PKP2: variants seen among roughly 807,000 people sequenced by gnomAD.
PKP2 encodes the protein plakophilin 2, also known as plakophilin-2.
In PKP2, 73 loss-of-function variants were observed where a neutral mutation model predicts 83.4. The ratio of observed to expected loss-of-function variants is 0.88; its 90% confidence interval spans 0.72 to 1.06. The LOEUF is 1.06. Among genes scored for constraint, PKP2 ranks in the 50% least tolerant of loss-of-function variants. The probability of loss-of-function intolerance (pLI) is 0.00; values close to 1 mark genes in which losing one functional copy is unlikely to be tolerated. For synonymous variants in PKP2, 409 were observed against 430.4 expected (o/e 0.95, Z 0.62); for missense variants, 966 against 1,065.4 (o/e 0.91, Z 1.30).
At chr12:32,876,483 A>T (rs1230581635) in intron 3 of PKP2, among the ~76,000 whole-genome samples, 4 of 152,176 alleles carry the variant, frequency 2.6e-5, no homozygotes, top group African/African-American at 7.2e-5. Context: ...TTACCTGTTT[A>T]AAAGCCTTTA....
rs148781186 is a variant in PKP2, at chr12:32,809,625, C to T, written c.2014-7069G>A. The stretch of plus-strand genomic sequence containing the variant: ...GTCACCTTGCTGGAAATTCCGGGGC[C>T]GGAGTATGTAAAACTCTTGTCTCTG... On this transcript the variant is annotated intron_variant, in intron 9 of 12. Coordinates refer to ENST00000340811, the MANE Select transcript of PKP2 (RefSeq NM_001005242.3). Among the ~76,000 whole-genome samples the T allele has an allele frequency of 1.9e-3, 294 of 152,274 alleles. 1 individual carries two copies. The highest frequency in any genetic ancestry group is 6.5e-3 in the African/African-American group (269 of 41,568).
intron 8 of PKP2, 55 bp from the exon 9 acceptor site, chr12:32,821,584 T>C: frequency 1.9e-6 from 3 of 1,552,522 alleles, no homozygotes; most frequent in African/African-American, 2.7e-5. Flanking sequence ...ATGGCTATAA[T>C]TTCACACTCA....
At position 32,896,601 on chromosome 12, in the gene PKP2, C is replaced by T. The variant is rs751629644; in HGVS notation, c.131G>A (p.Ser44Asn). The part of the protein sequence containing the change: ...SEAKLKLAGS[S>N]GRGGQTVKSL... ...CTTGACTGTCTGGCCGCCGCGGCCG[C>T]TGCTCCCCGCCAGCTTCAGCTTGGC... Residue 44 changes from serine to asparagine, a missense_variant, in exon 1 of 13, where the codon AGC becomes AAC. Physicochemically the swap from Ser to Asn is conservative, Grantham distance 46 (BLOSUM62 1). Transcript: ENST00000340811. The T allele has an allele frequency of 6.9e-6, 11 of 1,585,330 alleles. No individual in the cohort carries two copies. The East Asian group carries it at 2.5e-4, about 36-fold the overall frequency.
rs759920696 is a variant in PKP2 at position 32,821,430 on chromosome 12, C to T, written c.1939G>A (p.Ala647Thr). The change falls in exon 9 of 13, where the codon GCC becomes ACC. Residue 647 changes from alanine to threonine, a missense_variant. By Grantham distance (58) the Ala-to-Thr change is moderately conservative. Transcript: ENST00000340811. ...IVIRMYLSLI[A>T]KSVRNYTQEA... is the part of the protein sequence containing the mutation. Reference sequence around the variant, plus strand: ...TGTGTGTAGTTGCGGACACTTTTGGCGATCAAGGACAGATACATCCTTATA... The same window carrying T: ...TGTGTGTAGTTGCGGACACTTTTGGTGATCAAGGACAGATACATCCTTATA... The T allele has an allele frequency of 2.1e-5, 34 of 1,613,924 alleles. No homozygotes were observed. The highest frequency in any genetic ancestry group is 2.4e-5 in the Non-Finnish European group (28 of 1,179,994).
intron 6 of PKP2, among the ~76,000 whole-genome samples, chr12:32,825,019 A>T (rs1308043802): frequency 6.6e-6 from 1 of 151,394 alleles, no homozygotes; most frequent in African/African-American, 2.4e-5. Flanking sequence ...TTAAAAAAAT[A>T]TTTTTTTTTC....
chr12:32,822,716 T>A, intron 7 of PKP2, 85 bp from the exon 8 acceptor site: 1 of 1,459,636 alleles, frequency 6.9e-7, no homozygotes, highest in Non-Finnish European at 9.5e-7. Flanking sequence ...CTTTAGCTCT[T>A]ACAAGGTTTA....
In PKP2 at chr12:32,869,039, A is replaced by G. The variant is rs1956875248; in HGVS notation, c.1058T>C (p.Leu353Pro). ...CTCGAGCATACTCACTGCTCGCTCC[A>G]GAGTCATCTCCATGTCTGCATTCCT... ...QLGNADMEMT[L>P]ERAVSMLEAD... The change falls in exon 4 of 13, where the codon CTG (leucine) becomes CCG (proline). Residue 353 changes from leucine to proline, a missense_variant. Coordinates refer to ENST00000340811, the MANE Select transcript of PKP2 (RefSeq NM_001005242.3). 2.5e-6 allele frequency: 4 copies of G among 1,614,076 alleles called. No individual in the cohort carries two copies. The highest frequency in any genetic ancestry group is 3.4e-6 in the Non-Finnish European group (4 of 1,180,032).
At chr12:32,853,255 A>G (rs1180460870) in intron 4 of PKP2, among the ~76,000 whole-genome samples, 1 of 152,148 alleles carries the variant, frequency 6.6e-6, no homozygotes, top group Non-Finnish European at 1.5e-5. Context: ...AGTAATTCAG[A>G]TCTTGGATTT....
chr12:32,846,745 C>CAAAAAAAAA lies in PKP2; in HGVS notation c.1378+4012_1378+4020dup, dbSNP rs574053559. On this transcript the variant is annotated intron_variant, in intron 5 of 12. Coordinates refer to ENST00000340811, the MANE Select transcript of PKP2 (RefSeq NM_001005242.3). ...GGGTAACAAGAATGAAACTTCTTCT[C>CAAAAAAAAA]AAAAAAAAAAAAAAAAAAGAAGAGA... 1.0e-3 allele frequency among the ~76,000 whole-genome samples: 78 copies of CAAAAAAAAA among 74,868 alleles called. 3 individuals carry two copies. The highest frequency in any genetic ancestry group is 3.7e-3 in the African/African-American group (65 of 17,716). The allele number at this position is 74,868 out of a possible 152,430, so 49.1% of individuals were successfully genotyped here.
chr12:32,843,434 A>T, intron 5 of PKP2: 2 of 662,666 alleles, frequency 3.0e-6, no homozygotes, highest in South Asian at 2.7e-5. Flanking sequence ...AAGAGCCTGT[A>T]TAGTTAAAGC....
chr12:32,892,445 TG>T (rs1957082451), intron 1 of PKP2, among the ~76,000 whole-genome samples: 1 of 151,838 alleles, frequency 6.6e-6, no homozygotes, highest in African/African-American at 2.4e-5. Context: ...CCCTAGTAGC[TG>T]GGATTACAGG....
chr12:32,792,807 G>A, intron 11 of PKP2, 76 bp from the exon 12 acceptor site: 1 of 1,153,692 alleles, frequency 8.7e-7, no homozygotes, highest in Non-Finnish European at 1.3e-6. Flanking sequence ...TGTTCTGTAA[G>A]ACCTCTTCGC....
chr12:32,869,122 C>G, intron 3 of PKP2, 60 bp from the exon 4 acceptor site: 1 of 1,601,050 alleles, frequency 6.2e-7, no homozygotes, highest in Non-Finnish European at 8.5e-7. Context: ...GCCTACCAAC[C>G]TGGTCCTCCA....
chr12:32,886,950 G>C (rs1957035764), intron 1 of PKP2, among the ~76,000 whole-genome samples: 1 of 152,082 alleles, frequency 6.6e-6, no homozygotes, highest in South Asian at 2.1e-4. Context: ...AGTTAGCTGA[G>C]GTTGGGCCAC....
At chr12:32,841,439 G>C (rs1335490566) in intron 5 of PKP2, among the ~76,000 whole-genome samples, 3 of 152,120 alleles carry the variant, frequency 2.0e-5, no homozygotes, top group African/African-American at 7.2e-5. Context: ...AACTGTGCAG[G>C]TTTAAACTAA....
intron 1 of PKP2, among the ~76,000 whole-genome samples, chr12:32,895,659 G>C (rs912408226): frequency 6.6e-6 from 1 of 152,172 alleles, no homozygotes; most frequent in Non-Finnish European, 1.5e-5. Flanking sequence ...GGGAGAAAAG[G>C]ATACATCATG....
At chr12:32,851,580 C>T (rs144314148) in intron 4 of PKP2, among the ~76,000 whole-genome samples, 488 of 152,196 alleles carry the variant, frequency 3.2e-3, no homozygotes, top group African/African-American at 0.011. Flanking sequence ...ACCATTCTCC[C>T]GCCTCAGCCT....
intron 2 of PKP2, among the ~76,000 whole-genome samples, 180 bp downstream of exon 2, chr12:32,878,740 T>G (rs1002612930): frequency 6.6e-6 from 1 of 152,178 alleles, no homozygotes; most frequent in African/African-American, 2.4e-5. Flanking sequence ...CACTAGGATG[T>G]AAGAATGTTT....
intron 6 of PKP2, among the ~76,000 whole-genome samples, chr12:32,831,769 A>G (rs1956503359): frequency 6.6e-6 from 1 of 152,176 alleles, no homozygotes; most frequent in African/African-American, 2.4e-5. Flanking sequence ...TGGTAAAGAT[A>G]TGAATAGGAC....
Sources: gnomAD v4.1 joint callset for allele counts (sites outside exome capture counted in the v4.1 genomes callset) on GRCh38, gnomAD v4.1.1 for gene constraint, MANE v1.5 for transcripts, NCBI Gene and HGNC (gene_info 2026-07-23, HGNC 2026-07-21) for gene names.